CDH23: variants seen among roughly 807,000 people sequenced by gnomAD.
CDH23 encodes cadherin-23.
In CDH23, 189 loss-of-function variants were observed where a neutral mutation model predicts 317.1. The ratio of observed to expected loss-of-function variants is 0.60; its 90% confidence interval spans 0.53 to 0.67. CDH23 has a LOEUF of 0.67. Ranked by LOEUF, CDH23 falls within the 30% of genes least tolerant of loss-of-function variation. The pLI, the probability that CDH23 is intolerant of heterozygous loss-of-function variation, is 0.00. For missense variants in CDH23, 4,401 were observed against 4,592.4 expected (o/e 0.96, Z 1.20); for synonymous variants, 1,839 against 1,876.8 (o/e 0.98, Z 0.52).
intron 38 of CDH23, chr10:71,750,746 G>T (rs1839976200): frequency 6.5e-6 from 1 of 153,278 alleles, no homozygotes; most frequent in Non-Finnish European, 1.5e-5. Context: ...GGCAGGCCTG[G>T]CCCCAGAGCC....
rs1452389958 is a variant in CDH23 at position 71,702,652 on chromosome 10, C to T, written c.2691C>T (p.Ala897=). ...DPTFQNLPFV[A]EVLEGIPAGV... The stretch of plus-strand genomic sequence containing the variant: ...CCTTTCAGAACCTGCCTTTTGTGGC[C>T]GAGGTGCTTGAAGGCATCCCGGCGG... Residue 897 remains alanine, a synonymous_variant, in exon 24 of 70, where the codon GCC becomes GCT. Coordinates refer to ENST00000224721, the MANE Select transcript of CDH23 (RefSeq NM_022124.6). 8.1e-6 allele frequency: 13 copies of T among 1,613,788 alleles called. No individual in the cohort carries two copies. The highest frequency in any genetic ancestry group is 4.0e-5 in the African/African-American group (3 of 74,908).
Position 71,807,829 on chromosome 10 carries a change from C to A in CDH23, c.8561-17C>A. 1 of 1,595,016 alleles carries A rather than the reference C, an allele frequency of 6.3e-7. No individual in the cohort carries two copies. Among genetic ancestry groups the A allele is most frequent in the Non-Finnish European group, 8.5e-7 (1 of 1,170,674 alleles). On this transcript the variant is annotated splice_polypyrimidine_tract_variant and intron_variant, in intron 59 of 69. Coordinates refer to ENST00000224721, the MANE Select transcript of CDH23 (RefSeq NM_022124.6). ...GGCCCCTGCCCTGCCACTTACACCA[C>A]CTGCCTCTTCCTGCAGGGGTGGCCA...
chr10:71,595,979 C>T (rs1554843521), intron 9 of CDH23, among the ~76,000 whole-genome samples: 1 of 152,198 alleles, frequency 6.6e-6, no homozygotes, highest in Non-Finnish European at 1.5e-5. Context: ...ACTGACTTTC[C>T]TCCATGGTCC....
chr10:71,639,727 G>A (rs1274219139), intron 11 of CDH23, among the ~76,000 whole-genome samples: 2 of 152,180 alleles, frequency 1.3e-5, no homozygotes, highest in Non-Finnish European at 2.9e-5. Context: ...TAAGGTGTGT[G>A]ACGCCTGTGT....
At position 71,613,049 on chromosome 10, in the gene CDH23, A is replaced by T. The variant is rs550324443; in HGVS notation, c.833-2455A>T. ...TTTTTAGTAGAGATGGGGTTTTGCC[A>T]TGTTGGCCAGGCTGGTCTTGAACTC... On this transcript the variant is annotated intron_variant, in intron 9 of 69. Transcript: ENST00000224721. 7.9e-5 allele frequency among the ~76,000 whole-genome samples: 12 copies of T among 152,202 alleles called. No homozygotes were observed. The South Asian group carries it at 2.1e-3, about 26-fold the overall frequency.
intron 1 of CDH23, among the ~76,000 whole-genome samples, chr10:71,408,081 C>G (rs1431535685): frequency 6.6e-6 from 1 of 152,154 alleles, no homozygotes; most frequent in Non-Finnish European, 1.5e-5. Flanking sequence ...GAGATATATA[C>G]AGTTGGACAT....
chr10:71,472,210 G>T (rs76275571), intron 3 of CDH23, among the ~76,000 whole-genome samples: 11 of 152,314 alleles, frequency 7.2e-5, no homozygotes, highest in African/African-American at 2.6e-4. Context: ...GGAGGCCCTG[G>T]CAGGAGACTG....
intron 1 of CDH23, among the ~76,000 whole-genome samples, chr10:71,438,064 T>A (rs1020241969): frequency 5.3e-5 from 8 of 152,124 alleles, no homozygotes; most frequent in Non-Finnish European, 1.2e-4. Flanking sequence ...TGTTTCGTCA[T>A]GCATGGTGGC....
intron 38 of CDH23, among the ~76,000 whole-genome samples, chr10:71,765,537 C>A (rs74145638): frequency 6.6e-6 from 1 of 152,186 alleles, no homozygotes; most frequent in African/African-American, 2.4e-5. Flanking sequence ...GGCTGGGAGC[C>A]CTCAGGGTCT....
chr10:71,629,542 A>C (rs980871680), intron 11 of CDH23, among the ~76,000 whole-genome samples: 1 of 152,254 alleles, frequency 6.6e-6, no homozygotes, highest in African/African-American at 2.4e-5. Flanking sequence ...GCAGGCAGGC[A>C]GTGATGTGAC....
At chr10:71,814,859 G>T in intron 69 of CDH23, 93 bp from the exon 70 acceptor site, 1 of 1,412,378 alleles carries the variant, frequency 7.1e-7, no homozygotes. Context: ...GGAGCCCAAG[G>T]TTCAGCCACA....
chr10:71,638,958 G>C (rs775163165), intron 11 of CDH23, among the ~76,000 whole-genome samples: 7 of 152,190 alleles, frequency 4.6e-5, no homozygotes, highest in Admixed American at 1.3e-4. Context: ...CTGCCCTCGT[G>C]GGGGTGGGAA....
intron 11 of CDH23, among the ~76,000 whole-genome samples, chr10:71,618,365 G>A (rs887879165): frequency 2.0e-5 from 3 of 152,106 alleles, no homozygotes; most frequent in Admixed American, 2.0e-4. Context: ...GCGGGCGTAG[G>A]GGGGCAGGGC....
In CDH23 at chr10:71,751,732, C is replaced by T. The variant is rs745646326; in HGVS notation, c.4845+9811C>T. On this transcript the variant is annotated intron_variant, in intron 38 of 69. Transcript: ENST00000224721. This position sits in a 1 kb window ranked among gnomAD's most constrained non-coding sequence, Gnocchi z 4.9. ...ACAGGGGGGTGCTGGGCTCCGAAAG[C>T]AGATGCCGCCCAGACTCAGAAGGCT... 5.0e-6 allele frequency: 8 copies of T among 1,588,490 alleles called. No homozygotes were observed. The highest frequency in any genetic ancestry group is 1.1e-5 in the South Asian group (1 of 88,074).
chr10:71,808,348 A>G (rs1296211459), intron 60 of CDH23, among the ~76,000 whole-genome samples: 2 of 151,958 alleles, frequency 1.3e-5, no homozygotes, highest in African/African-American at 4.8e-5. Context: ...CCATCCGTCC[A>G]TCTGTCTCTT....
At chr10:71,474,431 C>T (rs964811960) in intron 3 of CDH23, among the ~76,000 whole-genome samples, 3 of 152,202 alleles carry the variant, frequency 2.0e-5, no homozygotes, top group Admixed American at 1.3e-4. Flanking sequence ...CCCACAGAGA[C>T]CTTTCCCCAC....
chr10:71,498,150 C>T (rs562791595), intron 3 of CDH23, among the ~76,000 whole-genome samples: 3 of 152,354 alleles, frequency 2.0e-5, no homozygotes, highest in East Asian at 1.9e-4. Flanking sequence ...GAGACAGCAG[C>T]GATTTGCCCA....
rs757027938 is a variant in CDH23, at chr10:71,730,449, C to G, written c.3580-20C>G. On this transcript the variant is annotated intron_variant, in intron 30 of 69. Coordinates refer to ENST00000224721, the MANE Select transcript of CDH23 (RefSeq NM_022124.6). ...CCTCCACCCCACCCTGACCTTGCAC[C>G]CCTGGCCCGGCTCCCACAGGTGATT... The G allele has an allele frequency of 5.0e-6, 8 of 1,612,498 alleles. No homozygotes were observed. The East Asian group carries it at 1.1e-4, about 22-fold the overall frequency.
Position 71,756,567 on chromosome 10 carries a change from T to G in CDH23, c.4845+14646T>G, listed in dbSNP as rs77933838. Among the ~76,000 whole-genome samples the G allele has an allele frequency of 4.9e-3, 744 of 152,330 alleles. 3 individuals are homozygous for G. Among genetic ancestry groups the G allele is most frequent in the Middle Eastern group, 0.034 (10 of 294 alleles). The stretch of plus-strand genomic sequence containing the variant: ...TGTGCATTTTCTTTTAGGCTATTGC[T>G]AAATTGCCCTCCAAAAAGGTGTACA... On this transcript the variant is annotated intron_variant, in intron 38 of 69. Transcript: ENST00000224721.
Sources: gnomAD v4.1 joint callset for allele counts (sites outside exome capture counted in the v4.1 genomes callset) on GRCh38, gnomAD v4.1.1 for gene constraint, Gnocchi (gnomAD v3.1) non-coding constraint, MANE v1.5 for transcripts, NCBI Gene and HGNC (gene_info 2026-07-23, HGNC 2026-07-21) for gene names.